PHACTR1: variants seen among roughly 807,000 people sequenced by gnomAD.
The protein encoded by PHACTR1 is RPEL repeat containing 1.
PHACTR1 carries 16 observed loss-of-function variants against 69.2 expected under a neutral mutation model. The ratio of observed to expected loss-of-function variants is 0.23; its 90% confidence interval spans 0.16 to 0.35. The LOEUF is 0.35. Ranked by LOEUF, PHACTR1 falls within the 10% of genes least tolerant of loss-of-function variation. The probability of loss-of-function intolerance (pLI) is 1.00; values close to 1 mark genes in which losing one functional copy is unlikely to be tolerated. For synonymous variants in PHACTR1, 312 were observed against 284.5 expected (o/e 1.10, Z -0.97); for missense variants, 510 against 734.7 (o/e 0.69, Z 3.54).
At position 12,925,550 on chromosome 6, in the gene PHACTR1, T is replaced by C. The variant is rs572538566; in HGVS notation, c.251-127815T>C. Among the ~76,000 whole-genome samples, 11 of 152,350 alleles carry C rather than the reference T, an allele frequency of 7.2e-5. 1 individual carries two copies. In the South Asian group the frequency reaches 2.1e-3, roughly 29 times the overall value. On this transcript the variant is annotated intron_variant, in intron 4 of 14. Coordinates refer to ENST00000332995, the MANE Select transcript of PHACTR1 (RefSeq NM_030948.6). Reference sequence around the variant, plus strand: ...TGATGTGCATAAAACTTCTAGCCCATAGAGTGGGATTTAACAGATTTGCAA... The same window carrying C: ...TGATGTGCATAAAACTTCTAGCCCACAGAGTGGGATTTAACAGATTTGCAA...
At chr6:13,053,627 G>A in intron 5 of PHACTR1, 98 bp downstream of exon 5, 5 of 1,385,512 alleles carry the variant, frequency 3.6e-6, no homozygotes, top group Admixed American at 5.2e-5. Flanking sequence ...TTGAACCAAA[G>A]GAGAAAAAAT....
chr6:13,230,818 G>A (rs564131825), intron 10 of PHACTR1, among the ~76,000 whole-genome samples: 9 of 151,956 alleles, frequency 5.9e-5, no homozygotes, highest in Non-Finnish European at 1.3e-4. Flanking sequence ...GGAGTTTGAG[G>A]CCAGCCTGAG....
chr6:12,839,540 T>G (rs1167206071), intron 4 of PHACTR1, among the ~76,000 whole-genome samples: 1 of 152,090 alleles, frequency 6.6e-6, no homozygotes, highest in African/African-American at 2.4e-5. Flanking sequence ...TCATGGGGCC[T>G]GTGGGCTGGG....
intron 3 of PHACTR1, among the ~76,000 whole-genome samples, chr6:12,719,576 G>A (rs567837077): frequency 2.0e-5 from 3 of 152,248 alleles, no homozygotes; most frequent in South Asian, 2.1e-4. Context: ...GCAACCTGAT[G>A]ATGGGCATGT....
At chr6:12,949,264 C>G (rs1254857714) in intron 4 of PHACTR1, among the ~76,000 whole-genome samples, 1 of 95,712 alleles carries the variant, frequency 1.0e-5, no homozygotes, top group African/African-American at 4.5e-5. Flanking sequence ...AGCGAAACGT[C>G]ATCTCAAAAA....
At chr6:12,998,551 G>A (rs1797696702) in intron 4 of PHACTR1, among the ~76,000 whole-genome samples, 1 of 151,484 alleles carries the variant, frequency 6.6e-6, no homozygotes, top group Non-Finnish European at 1.5e-5. Flanking sequence ...TGGAGTTCAG[G>A]GCTGCTATGA....
chr6:13,035,829 A>G (rs116127623), intron 4 of PHACTR1, among the ~76,000 whole-genome samples: 107 of 152,324 alleles, frequency 7.0e-4, no homozygotes, highest in Middle Eastern at 3.4e-3. Context: ...GTCACATTCA[A>G]GGTCATCAGT....
chr6:13,190,152 T>G (rs367858220), intron 7 of PHACTR1, among the ~76,000 whole-genome samples: 1 of 149,632 alleles, frequency 6.7e-6, no homozygotes, highest in Non-Finnish European at 1.5e-5. Context: ...GCCTCCCGAG[T>G]AGCTGGAATT....
chr6:13,219,465 A>AGACG (rs1352401553), intron 8 of PHACTR1, among the ~76,000 whole-genome samples: 1 of 152,078 alleles, frequency 6.6e-6, no homozygotes, highest in East Asian at 1.9e-4. Context: ...ATCCTCAAGG[A>AGACG]GACGTGTTAT....
Position 13,287,356 on chromosome 6 carries a change from T to A in PHACTR1, c.*278T>A. The A allele has an allele frequency of 4.1e-6, 2 of 488,380 alleles. No individual in the cohort carries two copies. Among genetic ancestry groups the A allele is most frequent in the Non-Finnish European group, 7.3e-6 (2 of 274,754 alleles). 30.3% of individuals were successfully genotyped at this position (488,380 alleles called of 1,614,324 possible). A position where few individuals can be genotyped will look rare whatever the true frequency, so the allele number is the denominator to read the frequency against. ...CACCAGCAGGGCCCTGACTGAAGAC[T>A]GTCTGGCAGGTGGAACGGTCCTTGT... is the stretch of plus-strand genomic sequence containing the variant. On this transcript the variant is annotated 3_prime_UTR_variant, in exon 15 of 15. Transcript: ENST00000332995.
intron 4 of PHACTR1, among the ~76,000 whole-genome samples, chr6:12,885,692 T>C (rs1208482256): frequency 6.6e-6 from 1 of 152,230 alleles, no homozygotes; most frequent in African/African-American, 2.4e-5. Context: ...AAAATACTGT[T>C]CTTTATTTAC....
intron 12 of PHACTR1, chr6:13,280,773 C>G (rs945787158): frequency 3.5e-5 from 13 of 374,866 alleles, no homozygotes; most frequent in African/African-American, 2.6e-4. Context: ...AATCCCAGCA[C>G]TTTGGGAGGC....
At chr6:12,926,865 A>T (rs1788322366) in intron 4 of PHACTR1, among the ~76,000 whole-genome samples, 1 of 152,028 alleles carries the variant, frequency 6.6e-6, no homozygotes. Flanking sequence ...TAATCCCTAC[A>T]TGCGCTGGTC....
At chr6:13,206,224 T>C in intron 8 of PHACTR1, 88 bp downstream of exon 8, 1 of 1,307,102 alleles carries the variant, frequency 7.7e-7, no homozygotes, top group Non-Finnish European at 1.0e-6. Flanking sequence ...CTTAGGAATG[T>C]GAACAAGGGG....
At chr6:12,954,155 C>T (rs1381945289) in intron 4 of PHACTR1, among the ~76,000 whole-genome samples, 2 of 151,840 alleles carry the variant, frequency 1.3e-5, no homozygotes, top group African/African-American at 2.4e-5. Flanking sequence ...TAAACAAAGG[C>T]AGGGAGACCG....
intron 4 of PHACTR1, among the ~76,000 whole-genome samples, chr6:12,929,554 A>G (rs77204673): frequency 1.5e-3 from 222 of 152,346 alleles, no homozygotes; most frequent in African/African-American, 4.9e-3. Flanking sequence ...ACCATGGTTT[A>G]ATCCAAGGAA....
chr6:12,872,711 C>T (rs1426533591), intron 4 of PHACTR1, among the ~76,000 whole-genome samples: 6 of 152,094 alleles, frequency 3.9e-5, no homozygotes, highest in Non-Finnish European at 7.4e-5. Context: ...AAATGCCCCC[C>T]GAAGTTTCTC....
At chr6:12,963,730 G>A (rs4715016) in intron 4 of PHACTR1, among the ~76,000 whole-genome samples, 76,687 of 152,038 alleles carry the variant, frequency 0.5, 22,260 homozygotes, top group African/African-American at 0.8. Context: ...GAAGCAACAG[G>A]TTAGTGTACA....
intron 4 of PHACTR1, among the ~76,000 whole-genome samples, chr6:12,813,664 G>A (rs148300369): frequency 7.2e-4 from 110 of 152,248 alleles, no homozygotes; most frequent in African/African-American, 2.5e-3. Context: ...TGTAGTTTCC[G>A]CCTGTCCCTC....
Sources: allele counts gnomAD v4.1 joint callset (sites outside exome capture counted in the v4.1 genomes callset), GRCh38; gene constraint gnomAD v4.1.1; transcripts MANE v1.5; gene names NCBI Gene and HGNC (gene_info 2026-07-23, HGNC 2026-07-21).